Variants in DIP2C observed in about 807,000 individuals in gnomAD.
DIP2C encodes DIP2 acetate--CoA ligase C (putative).
Under a neutral mutation model 192.4 loss-of-function variants are expected in DIP2C, and 33 were observed. The ratio of observed to expected loss-of-function variants is 0.17; its 90% CI spans 0.13 to 0.23. The LOEUF is 0.23. Ranked by LOEUF, DIP2C falls within the 10% of genes least tolerant of loss-of-function variation. The pLI is 1.00. For synonymous variants in DIP2C, 979 were observed against 864.1 expected, an observed-to-expected ratio of 1.13 and a Z score of -2.33; for missense variants, 1,537 against 2,110.1, an observed-to-expected ratio of 0.73 and a Z score of 5.32.
At chr10:510,418 G>A (rs561342259) in intron 1 of DIP2C, among the ~76,000 whole-genome samples, 4 of 152,156 alleles carry the variant, frequency 2.6e-5, no homozygotes, top group Non-Finnish European at 4.4e-5. Context: ...TAGCCTGAAC[G>A]TGCACGTACA....
At chr10:494,722 C>T (rs1216292824) in intron 1 of DIP2C, among the ~76,000 whole-genome samples, 1 of 152,176 alleles carries the variant, frequency 6.6e-6, no homozygotes, top group East Asian at 1.9e-4. Flanking sequence ...CCAAGGGGAT[C>T]AGAAACGTAA....
At chr10:458,426 G>A (rs1211242450) in intron 3 of DIP2C, among the ~76,000 whole-genome samples, 2 of 152,230 alleles carry the variant, frequency 1.3e-5, no homozygotes, top group Admixed American at 6.5e-5. Flanking sequence ...CCCCCATGAT[G>A]GCAGATGACC....
At chr10:442,827 G>C (rs1038961162) in intron 3 of DIP2C, among the ~76,000 whole-genome samples, 4 of 152,196 alleles carry the variant, frequency 2.6e-5, no homozygotes, top group Non-Finnish European at 4.4e-5. Context: ...GGTGTCAACT[G>C]TCTCCATAAT....
At chr10:500,069 G>A (rs987219226) in intron 1 of DIP2C, among the ~76,000 whole-genome samples, 5 of 152,178 alleles carry the variant, frequency 3.3e-5, no homozygotes, top group Non-Finnish European at 7.4e-5. Flanking sequence ...TAAAACTAGG[G>A]CCCCCTCAGC....
chr10:640,124 T>G (rs1337309035), intron 1 of DIP2C, among the ~76,000 whole-genome samples: 2 of 152,138 alleles, frequency 1.3e-5, no homozygotes, highest in African/African-American at 4.8e-5. Context: ...CCTGTGGGCC[T>G]GTGCCTGTCC....
chr10:460,797 G>A (rs1199808883), intron 3 of DIP2C, among the ~76,000 whole-genome samples: 2 of 152,148 alleles, frequency 1.3e-5, no homozygotes, highest in South Asian at 4.1e-4. Flanking sequence ...GTTAAGGGCA[G>A]CCAGAGAGAA....
Position 288,371 on chromosome 10 carries a change from G to A in DIP2C, c.4037C>T (p.Ser1346Leu), listed in dbSNP as rs756719712. 15 of 1,613,802 alleles carry A rather than the reference G, an allele frequency of 9.3e-6. No homozygotes were observed. The highest frequency in any genetic ancestry group is 1.7e-5 in the Admixed American group (1 of 60,004). ...GSPHSLPLME[S>L]GKILPGVRII... ...TCTTCCTATAATACTTACCTTTCCC[G>A]ATTCCATCAGGGGCAGACTATGAGG... is the stretch of plus-strand genomic sequence containing the variant. Residue 1346 changes from serine to leucine, a missense_variant, in exon 33 of 37, where the codon TCG becomes TTG. Transcript: ENST00000280886.
intron 1 of DIP2C, chr10:662,826 G>A (rs200776309): frequency 8.4e-6 from 6 of 717,300 alleles, no homozygotes; most frequent in South Asian, 7.4e-5. Flanking sequence ...CGATGGCTGT[G>A]GTTGAGGAAA....
intron 1 of DIP2C, among the ~76,000 whole-genome samples, chr10:537,501 C>T (rs148502898): frequency 5.3e-4 from 80 of 152,314 alleles, no homozygotes; most frequent in African/African-American, 1.5e-3. Context: ...CAAGTAACTA[C>T]GACCTGGCTC....
In DIP2C at chr10:530,555, A is replaced by T. The variant is rs112180338; in HGVS notation, c.86-44025T>A. The stretch of plus-strand genomic sequence containing the variant: ...GGCTGTAGGCTGGTGCAGTGGCTCA[A>T]GCCTGTAAGCCCAGCACTTTGGGAG... On this transcript the variant is annotated intron_variant, in intron 1 of 36. Transcript: ENST00000280886. 6.9e-4 allele frequency among the ~76,000 whole-genome samples: 105 copies of T among 151,222 alleles called. 1 individual carries two copies. The highest frequency in any genetic ancestry group is 2.3e-3 in the African/African-American group (95 of 41,232).
At chr10:533,883 T>A (rs952015794) in intron 1 of DIP2C, among the ~76,000 whole-genome samples, 1 of 152,044 alleles carries the variant, frequency 6.6e-6, no homozygotes, top group African/African-American at 2.4e-5. Context: ...GAGAACTGTC[T>A]CAGAGACACT....
intron 24 of DIP2C, among the ~76,000 whole-genome samples, chr10:352,895 C>A (rs1178518861): frequency 3.3e-5 from 5 of 152,140 alleles, no homozygotes; most frequent in Admixed American, 6.5e-5. Flanking sequence ...GCCTCTACCC[C>A]AGGAGAAATG....
At chr10:560,750 T>TA (rs1849166967) in intron 1 of DIP2C, among the ~76,000 whole-genome samples, 1 of 152,158 alleles carries the variant, frequency 6.6e-6, no homozygotes, top group African/African-American at 2.4e-5. Flanking sequence ...CAACAGCCCC[T>TA]ACTCTTGGCA....
intron 33 of DIP2C, among the ~76,000 whole-genome samples, chr10:286,989 G>T (rs1243769142): frequency 6.6e-6 from 1 of 152,236 alleles, no homozygotes; most frequent in Non-Finnish European, 1.5e-5. Flanking sequence ...GTTTTCGTTA[G>T]AACGTCCGTG....
At chr10:369,841 A>G in intron 17 of DIP2C, 3 of 1,322,288 alleles carry the variant, frequency 2.3e-6, no homozygotes, top group Non-Finnish European at 3.0e-6. Context: ...TTCCGCCTCT[A>G]CATTCCCAGG....
At chr10:298,824 G>C (rs1955881785) in intron 32 of DIP2C, among the ~76,000 whole-genome samples, 1 of 152,214 alleles carries the variant, frequency 6.6e-6, no homozygotes, top group African/African-American at 2.4e-5. Flanking sequence ...CAACCCTCCA[G>C]TTCCTCAGGC....
intron 1 of DIP2C, among the ~76,000 whole-genome samples, chr10:613,169 CAT>C (rs1044708571): frequency 3.9e-5 from 6 of 152,322 alleles, no homozygotes; most frequent in African/African-American, 9.6e-5. Flanking sequence ...GAGTTCATAA[CAT>C]GTGAATTTTT....
chr10:688,942 G>C (rs1256298717), intron 1 of DIP2C, among the ~76,000 whole-genome samples: 1 of 152,198 alleles, frequency 6.6e-6, no homozygotes, highest in Non-Finnish European at 1.5e-5. Context: ...TGAGCCACCA[G>C]AGATCGAACC....
chr10:607,269 C>T (rs1852561172), intron 1 of DIP2C, among the ~76,000 whole-genome samples: 1 of 152,226 alleles, frequency 6.6e-6, no homozygotes, highest in Non-Finnish European at 1.5e-5. Flanking sequence ...CACCTAAACA[C>T]AGGAACGGTC....
Sources: allele counts gnomAD v4.1 joint callset (sites outside exome capture counted in the v4.1 genomes callset), GRCh38; gene constraint gnomAD v4.1.1; transcripts MANE v1.5; gene names NCBI Gene and HGNC (gene_info 2026-07-23, HGNC 2026-07-21).